The following MAGI1 variants were observed in gnomAD, a reference collection of about 807,000 sequenced individuals.
MAGI1 encodes membrane-associated guanylate kinase, WW and PDZ domain-containing protein 1.
Under a neutral mutation model 139.9 loss-of-function variants are expected in MAGI1, and 58 were observed. The ratio of observed to expected loss-of-function variants is 0.41; its 90% CI spans 0.34 to 0.52. The LOEUF (loss-of-function observed/expected upper bound fraction) is 0.52, where lower values mean the gene tolerates loss of function less well. MAGI1 is among the 20% of genes least tolerant of loss of function. The pLI is 0.12. For synonymous variants in MAGI1, 812 were observed against 737.9 expected (o/e 1.10, Z -1.63); for missense variants, 1,874 against 1,901.6 (o/e 0.99, Z 0.27).
At chr3:66,036,322 T>C (rs1175121179) in intron 1 of MAGI1, among the ~76,000 whole-genome samples, 4 of 152,126 alleles carry the variant, frequency 2.6e-5, no homozygotes, top group Non-Finnish European at 5.9e-5. Flanking sequence ...GGAAGACGCA[T>C]TGTCAGGCCA....
At chr3:65,486,989 T>C (rs868829781) in intron 3 of MAGI1, among the ~76,000 whole-genome samples, 13 of 152,330 alleles carry the variant, frequency 8.5e-5, no homozygotes, top group South Asian at 6.2e-4. Context: ...ACCAATACAT[T>C]AACAAATTCA....
At chr3:65,728,995 C>T (rs2033903584) in intron 1 of MAGI1, among the ~76,000 whole-genome samples, 1 of 151,800 alleles carries the variant, frequency 6.6e-6, no homozygotes, top group Non-Finnish European at 1.5e-5. Context: ...TAAAACCTGA[C>T]TAATTTTGAT....
intron 2 of MAGI1, among the ~76,000 whole-genome samples, chr3:65,507,220 T>C (rs1339874100): frequency 1.3e-5 from 2 of 152,244 alleles, no homozygotes; most frequent in African/African-American, 2.4e-5. Context: ...AGCAGTATCA[T>C]GTTGAAGCAG....
At position 65,375,838 on chromosome 3, in the gene MAGI1, C is replaced by T; in HGVS notation, c.3103G>A (p.Gly1035Arg). Residue 1035 changes from glycine to arginine, a missense_variant, in exon 18 of 23, where the codon GGA becomes AGA. Gly to Arg is a moderately radical substitution (Grantham distance 125). Around this residue, in one of 5 missense-constraint regions of MAGI1, gnomAD observed 653 missense variants for 644.5 expected, o/e 1.01. Transcript: ENST00000402939. ...TGGGATTTGTTGGTGATGGAACATC[C>T]ATTTACTGCCAAGATCCGGTCTCCT... Reference protein sequence around the residue: ...KVGDRILAVNGCSITNKSHSD... With the variant: ...KVGDRILAVNRCSITNKSHSD... The T allele has an allele frequency of 1.9e-6, 3 of 1,614,066 alleles. No individual in the cohort carries two copies. The highest frequency in any genetic ancestry group is 2.5e-6 in the Non-Finnish European group (3 of 1,179,994).
intron 1 of MAGI1, chr3:65,688,286 C>G: frequency 1.2e-6 from 1 of 837,254 alleles, no homozygotes; most frequent in South Asian, 1.3e-5. Flanking sequence ...TTAGGAAGAT[C>G]CTTGGCCAGG....
intron 1 of MAGI1, among the ~76,000 whole-genome samples, chr3:65,736,049 C>A (rs1367996439): frequency 3.9e-5 from 6 of 152,180 alleles, no homozygotes; most frequent in Admixed American, 3.9e-4. Context: ...TGAGACACTC[C>A]AACAATTAAA....
chr3:65,798,048 G>A (rs962026935), intron 1 of MAGI1, among the ~76,000 whole-genome samples: 2 of 152,112 alleles, frequency 1.3e-5, no homozygotes, highest in African/African-American at 4.8e-5. Flanking sequence ...GCTCACACCT[G>A]TCATCCCAGC....
intron 1 of MAGI1, among the ~76,000 whole-genome samples, chr3:65,861,115 T>C (rs981675108): frequency 3.9e-5 from 6 of 151,988 alleles, no homozygotes. Context: ...AGGGACACAC[T>C]CAAAAGGATG....
At chr3:65,517,514 G>C (rs976642607) in intron 2 of MAGI1, among the ~76,000 whole-genome samples, 4 of 152,156 alleles carry the variant, frequency 2.6e-5, no homozygotes, top group African/African-American at 4.8e-5. Context: ...GTATTTCCCA[G>C]GATTATTCTG....
intron 2 of MAGI1, chr3:65,532,996 C>T (rs1274821123): frequency 5.9e-5 from 9 of 152,226 alleles, no homozygotes; most frequent in Admixed American, 5.9e-4. Context: ...TGTGATAGCA[C>T]AGGAATTCTT....
intron 14 of MAGI1, among the ~76,000 whole-genome samples, 172 bp from the exon 15 acceptor site, chr3:65,383,795 G>C (rs1349694923): frequency 6.6e-6 from 1 of 152,134 alleles, no homozygotes; most frequent in Non-Finnish European, 1.5e-5. Flanking sequence ...GAAGACACGG[G>C]GATAAACAGT....
At chr3:65,611,157 A>T (rs2083072595) in intron 2 of MAGI1, among the ~76,000 whole-genome samples, 1 of 140,970 alleles carries the variant, frequency 7.1e-6, no homozygotes, top group Admixed American at 7.4e-5. Flanking sequence ...GTATATATAC[A>T]GTATTCCATC....
intron 1 of MAGI1, among the ~76,000 whole-genome samples, chr3:65,743,096 T>C (rs1192135962): frequency 6.6e-6 from 1 of 152,224 alleles, no homozygotes; most frequent in Non-Finnish European, 1.5e-5. Context: ...GGATGCTAGA[T>C]ACGTCTAGGC....
At chr3:65,559,837 C>G (rs2080256848) in intron 2 of MAGI1, among the ~76,000 whole-genome samples, 1 of 152,184 alleles carries the variant, frequency 6.6e-6, no homozygotes, top group Non-Finnish European at 1.5e-5. Context: ...GACTTCGACA[C>G]CAGCCTGGGC....
chr3:65,493,007 G>A (rs1369925953), intron 3 of MAGI1, among the ~76,000 whole-genome samples: 6 of 151,420 alleles, frequency 4.0e-5, no homozygotes, highest in Non-Finnish European at 7.4e-5. Flanking sequence ...GAACCCAGGA[G>A]GCAGAGCTTA....
intron 18 of MAGI1, among the ~76,000 whole-genome samples, chr3:65,368,997 T>C (rs1941714143): frequency 6.6e-6 from 1 of 152,186 alleles, no homozygotes; most frequent in South Asian, 2.1e-4. Flanking sequence ...ACAATGCAAA[T>C]GTTGTTTGAC....
chr3:65,807,648 A>T (rs193350), intron 1 of MAGI1, among the ~76,000 whole-genome samples: 80,618 of 151,944 alleles, frequency 0.53, 22,057 homozygotes, highest in East Asian at 0.85. Context: ...GAACCCAGCA[A>T]CCGGCTATTC....
intron 6 of MAGI1, among the ~76,000 whole-genome samples, chr3:65,448,799 T>G (rs974503430): frequency 6.6e-6 from 1 of 151,922 alleles, no homozygotes; most frequent in African/African-American, 2.4e-5. Flanking sequence ...GCAAAACAAG[T>G]CCAAATCCTT....
intron 2 of MAGI1, among the ~76,000 whole-genome samples, chr3:65,572,638 A>C (rs906246593): frequency 6.6e-6 from 1 of 152,172 alleles, no homozygotes; most frequent in African/African-American, 2.4e-5. Context: ...TGATCCTATA[A>C]GTAGAAGCAG....
Sources: allele counts gnomAD v4.1 joint callset (sites outside exome capture counted in the v4.1 genomes callset), GRCh38; gene constraint gnomAD v4.1.1; regional missense constraint gnomAD v4.1.1; transcripts MANE v1.5; gene names NCBI Gene and HGNC (gene_info 2026-07-23, HGNC 2026-07-21).